CNKSR2: variants seen among roughly 807,000 people sequenced by gnomAD.
CNKSR2 encodes CNK homolog protein 2.
CNKSR2 carries 14 observed loss-of-function variants against 84.4 expected under a neutral mutation model. The ratio of observed to expected loss-of-function variants is 0.17; its 90% CI spans 0.11 to 0.26. CNKSR2 has a LOEUF of 0.26. Among genes scored for constraint, CNKSR2 ranks in the 10% least tolerant of loss-of-function variants. The pLI, the probability that CNKSR2 is intolerant of heterozygous loss-of-function variation, is 1.00. For missense variants in CNKSR2, 485 were observed against 771.2 expected, an observed-to-expected ratio of 0.63 and a Z score of 4.40; for synonymous variants, 275 against 277.9, an observed-to-expected ratio of 0.99 and a Z score of 0.10.
chrX:21,541,085 C>T (rs1314329962), intron 11 of CNKSR2, among the ~76,000 whole-genome samples: 2 of 109,479 alleles, frequency 1.8e-5, no homozygotes, highest in African/African-American at 6.7e-5. Flanking sequence ...CGGGTTCAAG[C>T]GATTCTCCTG....
At chrX:21,517,649 A>G (rs1288246520) in intron 9 of CNKSR2, among the ~76,000 whole-genome samples, 1 of 110,959 alleles carries the variant, frequency 9.0e-6, no homozygotes, top group Non-Finnish European at 1.9e-5. Flanking sequence ...TAATCTTTAA[A>G]CTTAAGTAAT....
chrX:21,452,288 T>A (rs1006581940), intron 4 of CNKSR2, among the ~76,000 whole-genome samples: 2 of 110,645 alleles, frequency 1.8e-5, no homozygotes, highest in African/African-American at 6.6e-5. Flanking sequence ...GAGACGGAGT[T>A]TCACCATGTT....
At chrX:21,442,160 G>C (rs957881540) in intron 4 of CNKSR2, among the ~76,000 whole-genome samples, 4 of 110,593 alleles carry the variant, frequency 3.6e-5, no homozygotes, top group Non-Finnish European at 7.6e-5. Flanking sequence ...CAGTTGTGAT[G>C]GGTTTGGATC....
chrX:21,486,276 C>T lies in CNKSR2; in HGVS notation c.562-4183C>T, dbSNP rs1157759854. On this transcript the variant is annotated intron_variant, in intron 5 of 21. Transcript: ENST00000379510. ...AGTTTTCCCAGACAGCCATGTCTTTCACAGTCTCAGTTCTAATATTCCTTA... is the reference window on the plus strand; with the variant it reads ...AGTTTTCCCAGACAGCCATGTCTTTTACAGTCTCAGTTCTAATATTCCTTA... 7.1e-5 allele frequency among the ~76,000 whole-genome samples: 8 copies of T among 112,109 alleles called. No homozygotes were observed. In the Admixed American group the frequency reaches 7.6e-4, roughly 11 times the overall value.
At chrX:21,613,971 T>G (rs1473759451) in intron 20 of CNKSR2, among the ~76,000 whole-genome samples, 1 of 107,869 alleles carries the variant, frequency 9.3e-6, no homozygotes, top group African/African-American at 3.4e-5. Flanking sequence ...AGAAAAAAAA[T>G]TAGCCGGTCT....
At chrX:21,626,477 T>A (rs188815465) in intron 20 of CNKSR2, among the ~76,000 whole-genome samples, 14 of 111,369 alleles carry the variant, frequency 1.3e-4, no homozygotes, top group African/African-American at 4.6e-4. Context: ...GATGTATTAA[T>A]GTGGGAGAAT....
intron 7 of CNKSR2, among the ~76,000 whole-genome samples, chrX:21,500,806 T>C (rs2091551697): frequency 9.0e-6 from 1 of 111,402 alleles, no homozygotes; most frequent in Admixed American, 9.5e-5. Context: ...GGCATTTTAG[T>C]TCATTGAATG....
intron 13 of CNKSR2, among the ~76,000 whole-genome samples, chrX:21,566,770 CTAGAGTA>C (rs1476422273): frequency 3.6e-5 from 4 of 111,151 alleles, no homozygotes; most frequent in African/African-American, 1.3e-4. Context: ...ATAAGCACAC[CTAGAGTA>C]TAGTCTTCAC....
rs750413471 is a variant in CNKSR2 at position 21,392,531 on chromosome X, A to T, written c.64+17570A>T. 6.3e-5 allele frequency among the ~76,000 whole-genome samples: 7 copies of T among 111,172 alleles called. No homozygotes were observed. The East Asian group carries it at 2.0e-3, about 32-fold the overall frequency. On this transcript the variant is annotated intron_variant, in intron 1 of 21. Coordinates refer to ENST00000379510, the MANE Select transcript of CNKSR2 (RefSeq NM_014927.5). Reference sequence around the variant, plus strand: ...GGGAAGATGCCACATACTTTTAAACATTCAGGTCTTGTGAGTATTCACTCA... The same window carrying T: ...GGGAAGATGCCACATACTTTTAAACTTTCAGGTCTTGTGAGTATTCACTCA...
chrX:21,637,022 G>C (rs2092675403), intron 20 of CNKSR2, among the ~76,000 whole-genome samples: 1 of 111,618 alleles, frequency 9.0e-6, no homozygotes, highest in Non-Finnish European at 1.9e-5. Flanking sequence ...AAGTACTTCT[G>C]TAACTATTAA....
chrX:21,643,337 G>A (rs1445298701), intron 20 of CNKSR2: 18 of 111,672 alleles, frequency 1.6e-4, no homozygotes, highest in Non-Finnish European at 5.7e-5. Context: ...CGTAAATACT[G>A]TAGTGCCCTG....
At chrX:21,466,168 C>T (rs770949626) in intron 4 of CNKSR2, among the ~76,000 whole-genome samples, 2 of 111,819 alleles carry the variant, frequency 1.8e-5, no homozygotes, top group East Asian at 2.8e-4. Context: ...TATATAGTAT[C>T]GTGACTGGAA....
intron 6 of CNKSR2, among the ~76,000 whole-genome samples, chrX:21,496,314 AC>A (rs1023801405): frequency 8.9e-5 from 10 of 111,736 alleles, no homozygotes; most frequent in Non-Finnish European, 1.3e-4. Flanking sequence ...CATTATATTT[AC>A]CGATCAGTAA....
chrX:21,448,916 A>C (rs1569174941), intron 4 of CNKSR2, among the ~76,000 whole-genome samples: 4 of 111,854 alleles, frequency 3.6e-5, no homozygotes, highest in South Asian at 3.7e-4. Flanking sequence ...TGAAATTGTA[A>C]ATGACAGCGG....
In CNKSR2 at chrX:21,549,963, A is replaced by G. The variant is rs187523894; in HGVS notation, c.1304-11508A>G. Among the ~76,000 whole-genome samples, 52 of 112,184 alleles carry G rather than the reference A, an allele frequency of 4.6e-4. No individual in the cohort carries two copies. In the East Asian group the frequency reaches 0.012, roughly 27 times the overall value. On this transcript the variant is annotated intron_variant, in intron 11 of 21. Coordinates refer to ENST00000379510, the MANE Select transcript of CNKSR2 (RefSeq NM_014927.5). ...AAACGTAAGACCTAAAACCATAAAA[A>G]CCCTAGAAGAAAACCTAGGCAGTAC...
chrX:21,652,137 C>T (rs1019067415), intron 21 of CNKSR2, among the ~76,000 whole-genome samples, 169 bp from the exon 22 acceptor site: 1 of 111,934 alleles, frequency 8.9e-6, no homozygotes, highest in African/African-American at 3.2e-5. Flanking sequence ...AGGCGTTCCT[C>T]GGGTGTAGAA....
At chrX:21,610,370 C>G (rs904846762) in intron 20 of CNKSR2, among the ~76,000 whole-genome samples, 31 of 112,242 alleles carry the variant, frequency 2.8e-4, no homozygotes, top group Admixed American at 2.7e-3. Context: ...TACCAAGCCT[C>G]TGTTTATTAC....
chrX:21,519,938 C>G (rs1162834303), intron 9 of CNKSR2, among the ~76,000 whole-genome samples: 2 of 111,072 alleles, frequency 1.8e-5, no homozygotes, highest in Admixed American at 1.9e-4. Flanking sequence ...ACAACCTTAT[C>G]TATCCTAAGA....
intron 1 of CNKSR2, among the ~76,000 whole-genome samples, chrX:21,407,358 C>G (rs965426004): frequency 9.0e-6 from 1 of 111,454 alleles, no homozygotes; most frequent in African/African-American, 3.3e-5. Flanking sequence ...GAATAGATGC[C>G]ATAGTAGAAC....
Sources: allele counts gnomAD v4.1 joint callset (sites outside exome capture counted in the v4.1 genomes callset), GRCh38; gene constraint gnomAD v4.1.1; transcripts MANE v1.5; gene names NCBI Gene and HGNC (gene_info 2026-07-23, HGNC 2026-07-21).